The following SLC38A9 variants were observed in gnomAD, a reference collection of about 807,000 sequenced individuals.
The protein encoded by SLC38A9 is solute carrier family 38 member 9.
Under a neutral mutation model 62.3 loss-of-function variants are expected in SLC38A9, and 48 were observed. The observed-to-expected ratio is 0.77, with a 90% CI of 0.61 to 0.98. The LOEUF is 0.98. SLC38A9 is among the 50% of genes least tolerant of loss of function. SLC38A9 has a pLI of 0.00. For missense variants in SLC38A9, 541 were observed against 679.8 expected, an observed-to-expected ratio of 0.80 and a Z score of 2.27; for synonymous variants, 204 against 227.7, an observed-to-expected ratio of 0.90 and a Z score of 0.94.
intron 2 of SLC38A9, among the ~76,000 whole-genome samples, chr5:55,703,177 T>C (rs1184331532): frequency 1.4e-5 from 2 of 145,744 alleles, no homozygotes; most frequent in Non-Finnish European, 3.0e-5. Context: ...AAAATTTAAG[T>C]CATGATCCCT....
At chr5:55,710,788 G>T (rs923497564) in intron 2 of SLC38A9, among the ~76,000 whole-genome samples, 1 of 151,132 alleles carries the variant, frequency 6.6e-6, no homozygotes, top group East Asian at 2.0e-4. Flanking sequence ...GCTAATTTTG[G>T]TATTTTTTTT....
chr5:55,709,295 T>G (rs1282612037), intron 2 of SLC38A9, among the ~76,000 whole-genome samples: 1 of 151,968 alleles, frequency 6.6e-6, no homozygotes, highest in Non-Finnish European at 1.5e-5. Context: ...ATTTCAGTGG[T>G]AAGAAAGAAA....
chr5:55,693,741 G>T (rs1378196013), intron 3 of SLC38A9, among the ~76,000 whole-genome samples: 1 of 152,046 alleles, frequency 6.6e-6, no homozygotes, highest in African/African-American at 2.4e-5. Context: ...AATTAAGGAT[G>T]AATCTCATAA....
At chr5:55,688,892 G>A (rs1754343440) in intron 3 of SLC38A9, among the ~76,000 whole-genome samples, 1 of 152,012 alleles carries the variant, frequency 6.6e-6, no homozygotes, top group African/African-American at 2.4e-5. Context: ...ACATAATAAA[G>A]AAGGCCAATG....
rs765459155 is a variant in SLC38A9 at position 55,659,389 on chromosome 5, TATTTTA to T, written c.698-2621_698-2616del. Among the ~76,000 whole-genome samples the T allele has an allele frequency of 8.0e-4, 117 of 146,168 alleles. 3 individuals are homozygous for T. Among genetic ancestry groups the T allele is most frequent in the Non-Finnish European group, 1.2e-3 (81 of 66,120 alleles). On this transcript the variant is annotated intron_variant, in intron 8 of 15. Coordinates refer to ENST00000396865, the MANE Select transcript of SLC38A9 (RefSeq NM_173514.4). The stretch of plus-strand genomic sequence containing the variant: ...AAAAAACTGGAAAGGTTTTTTTTTT[TATTTTA>T]TTTTGATTTGAGATGGAGTCTCACT...
intron 2 of SLC38A9, among the ~76,000 whole-genome samples, chr5:55,710,670 C>CGG (rs1029839760): frequency 6.6e-6 from 1 of 151,916 alleles, no homozygotes; most frequent in Admixed American, 6.6e-5. Flanking sequence ...GGCTGGAGTG[C>CGG]GGTGGCACGA....
chr5:55,626,634 C>T lies in SLC38A9; in HGVS notation c.1546G>A (p.Ala516Thr). 1.9e-6 allele frequency: 3 copies of T among 1,608,900 alleles called. No individual in the cohort carries two copies. The highest frequency in any genetic ancestry group is 8.5e-7 in the Non-Finnish European group (1 of 1,177,694). The change falls in exon 16 of 16, where the codon GCC becomes ACC. Residue 516 changes from alanine to threonine, a missense_variant. Transcript: ENST00000396865. ...IRYSGAACGL[A>T]FVFIYPSLIY... ...AGAGATGGGTATATGAATACAAAGG[C>T]CAGTCCACATGCTGCTCCTGAATAT...
intron 2 of SLC38A9, among the ~76,000 whole-genome samples, chr5:55,705,458 A>T (rs1377000206): frequency 6.6e-6 from 1 of 151,018 alleles, no homozygotes; most frequent in Non-Finnish European, 1.5e-5. Context: ...AAAAGAAAGA[A>T]AGAAAGAAAA....
Position 55,626,342 on chromosome 5 carries a change from C to A in SLC38A9, c.*152G>T. 2 of 635,540 alleles carry A rather than the reference C, an allele frequency of 3.1e-6. No homozygotes were observed. Among genetic ancestry groups the A allele is most frequent in the Non-Finnish European group, 5.2e-6 (2 of 386,480 alleles). 39.4% of individuals were successfully genotyped at this position (635,540 alleles called of 1,614,324 possible). A position where few individuals can be genotyped will look rare whatever the true frequency, so the allele number is the denominator to read the frequency against. ...CTTTCCCCACCCCAATAAAAAAATACTCATTAAGGGGCCACTATTTCCCTT... is the reference window on the plus strand; with the variant it reads ...CTTTCCCCACCCCAATAAAAAAATAATCATTAAGGGGCCACTATTTCCCTT... On this transcript the variant is annotated 3_prime_UTR_variant, in exon 16 of 16. Coordinates refer to ENST00000396865, the MANE Select transcript of SLC38A9 (RefSeq NM_173514.4).
At chr5:55,680,555 ATCAAATGCCAGTGCCTTGATC>A (rs1280631849) in intron 3 of SLC38A9, among the ~76,000 whole-genome samples, 1 of 152,134 alleles carries the variant, frequency 6.6e-6, no homozygotes, top group Non-Finnish European at 1.5e-5. Flanking sequence ...CCCGTGTCAG[ATCAAATGCCAGTGCCTTGATC>A]TCAGACTTCT....
chr5:55,629,220 AT>A (rs146689671), intron 14 of SLC38A9, among the ~76,000 whole-genome samples: 7,404 of 151,940 alleles, frequency 0.049, 311 homozygotes, highest in African/African-American at 0.11. Flanking sequence ...AATTATTATT[AT>A]TTTTTTAAGA....
At position 55,709,230 on chromosome 5, in the gene SLC38A9, T is replaced by C. The variant is rs180726159; in HGVS notation, c.-35+2222A>G. The stretch of plus-strand genomic sequence containing the variant: ...CAAAAAAATTACCAAAGCAACGCTG[T>C]GGTACCAAAGAATCTCTCCTTCTAC... On this transcript the variant is annotated intron_variant, in intron 2 of 15. Coordinates refer to ENST00000396865, the MANE Select transcript of SLC38A9 (RefSeq NM_173514.4). Among the ~76,000 whole-genome samples, 648 of 152,310 alleles carry C rather than the reference T, an allele frequency of 4.3e-3. 3 individuals carry two copies. Among genetic ancestry groups the C allele is most frequent in the African/African-American group, 0.015 (611 of 41,558 alleles).
intron 11 of SLC38A9, among the ~76,000 whole-genome samples, chr5:55,648,077 T>C (rs1364410254): frequency 2.0e-5 from 3 of 151,980 alleles, no homozygotes; most frequent in African/African-American, 7.3e-5. Context: ...CTGTCTCTAC[T>C]AAAAATACAA....
At chr5:55,680,986 T>C (rs1023446294) in intron 3 of SLC38A9, among the ~76,000 whole-genome samples, 68 of 152,246 alleles carry the variant, frequency 4.5e-4, no homozygotes, top group African/African-American at 1.6e-3. Flanking sequence ...TTTTTATCCA[T>C]AGGAAAGTTT....
chr5:55,686,973 G>A (rs1255367027), intron 3 of SLC38A9, among the ~76,000 whole-genome samples: 1 of 151,594 alleles, frequency 6.6e-6, no homozygotes, highest in African/African-American at 2.4e-5. Context: ...CCATTGGTCT[G>A]TGGGTCTGTT....
chr5:55,633,654 G>A, intron 14 of SLC38A9, 100 bp downstream of exon 14: 1 of 1,516,304 alleles, frequency 6.6e-7, no homozygotes, highest in Non-Finnish European at 8.9e-7. Context: ...CTTGCATTAG[G>A]CATTTTTATA....
At position 55,673,972 on chromosome 5, in the gene SLC38A9, A is replaced by AAG. The variant is rs1751730843; in HGVS notation, c.114-1278_114-1277insCT. Among the ~76,000 whole-genome samples, 3 of 152,202 alleles carry AAG rather than the reference A, an allele frequency of 2.0e-5. No homozygotes were observed. The South Asian group carries it at 6.2e-4, about 32-fold the overall frequency. ...GGTGATCCACCTGCCTTGGCCTCCC[A>AAG]AAGAGTTGGGATTACAGGCATAAGC... On this transcript the variant is annotated intron_variant, in intron 3 of 15. Transcript: ENST00000396865.
intron 12 of SLC38A9, among the ~76,000 whole-genome samples, chr5:55,641,189 T>C (rs1745398144): frequency 6.6e-6 from 1 of 152,232 alleles, no homozygotes. Flanking sequence ...GCTTAAAATA[T>C]TTTATTTTTT....
chr5:55,628,533 A>G (rs1359824032), intron 14 of SLC38A9, among the ~76,000 whole-genome samples: 1 of 152,332 alleles, frequency 6.6e-6, no homozygotes, highest in East Asian at 1.9e-4. Flanking sequence ...GGCAGTAGTG[A>G]TTTTGTTACA....
Sources: gnomAD v4.1 joint callset for allele counts (sites outside exome capture counted in the v4.1 genomes callset) on GRCh38, gnomAD v4.1.1 for gene constraint, MANE v1.5 for transcripts, NCBI Gene and HGNC (gene_info 2026-07-23, HGNC 2026-07-21) for gene names.